SPTBN2: variants seen among roughly 807,000 people sequenced by gnomAD.
The protein encoded by SPTBN2 is spectrin beta chain, non-erythrocytic 2.
In SPTBN2, 107 loss-of-function variants were observed where a neutral mutation model predicts 284.2. That is an observed-to-expected ratio of 0.38 (90% CI 0.32 to 0.44). SPTBN2 has a LOEUF of 0.44. Ranked by LOEUF, SPTBN2 falls within the 20% of genes least tolerant of loss-of-function variation. The probability of loss-of-function intolerance (pLI) is 1.00; values close to 1 mark genes in which losing one functional copy is unlikely to be tolerated. For missense variants in SPTBN2, 2,569 were observed against 3,287.1 expected, an observed-to-expected ratio of 0.78 and a Z score of 5.34; for synonymous variants, 1,289 against 1,354.8, an observed-to-expected ratio of 0.95 and a Z score of 1.07.
chr11:66,699,719 A>C, intron 17 of SPTBN2, 111 bp from the exon 18 acceptor site: 3 of 1,098,314 alleles, frequency 2.7e-6, no homozygotes, highest in Non-Finnish European at 4.1e-6. Context: ...GCAGACAGGG[A>C]GGGTAGCCCA....
chr11:66,733,125 T>G (rs1372763627), upstream of SPTBN2, among the ~76,000 whole-genome samples: 1 of 152,112 alleles, frequency 6.6e-6, no homozygotes, highest in Non-Finnish European at 1.5e-5. Flanking sequence ...ATGTCATTAT[T>G]TAAAGAATTT....
upstream of SPTBN2, among the ~76,000 whole-genome samples, chr11:66,733,984 CAAAAAA>C (rs60666832): frequency 1.3e-5 from 1 of 75,764 alleles, no homozygotes; most frequent in Non-Finnish European, 2.7e-5. Flanking sequence ...GACTCCGTCT[CAAAAAA>C]AAAAAAAAAA....
Position 66,714,310 on chromosome 11 carries a change from C to T in SPTBN2, c.575+6G>A. On this transcript the variant is annotated splice_donor_region_variant and intron_variant, in intron 6 of 37. Transcript: ENST00000533211. ...CTCCAGTGCCACACGCCCAGGGTGT[C>T]CTCACCCTGCAGTCTTCATCTGGCA... 6.2e-7 allele frequency: 1 copy of T among 1,612,708 alleles called. No individual in the cohort carries two copies. Among genetic ancestry groups the T allele is most frequent in the Non-Finnish European group, 8.5e-7 (1 of 1,178,872 alleles).
At chr11:66,728,451 G>A (rs1181113172) in intron 1 of SPTBN2, 1 of 150,280 alleles carries the variant, frequency 6.7e-6, no homozygotes, top group Non-Finnish European at 1.5e-5. Flanking sequence ...CGGGAGGCCC[G>A]GGACCATCTG....
chr11:66,692,418 C>T, intron 26 of SPTBN2, 118 bp downstream of exon 26: 2 of 1,232,918 alleles, frequency 1.6e-6, no homozygotes, highest in Non-Finnish European at 2.3e-6. Flanking sequence ...AGTGCCTGCT[C>T]AGCCTGGTCT....
At position 66,705,852 on chromosome 11, in the gene SPTBN2, T is replaced by C. The variant is rs369363527; in HGVS notation, c.1654-15A>G. On this transcript the variant is annotated splice_polypyrimidine_tract_variant and intron_variant, in intron 13 of 37. Transcript: ENST00000533211. ...TGCAGCCGGCCCTGCCAGGCACACA[T>C]GAAGTGCACATGCCCGCCTGAGCAC... 3 of 1,611,734 alleles carry C rather than the reference T, an allele frequency of 1.9e-6. No individual in the cohort carries two copies. The highest frequency in any genetic ancestry group is 2.2e-5 in the East Asian group (1 of 44,848).
chr11:66,716,827 G>A (rs1942173012), intron 3 of SPTBN2, among the ~76,000 whole-genome samples: 2 of 152,318 alleles, frequency 1.3e-5, no homozygotes, highest in South Asian at 4.1e-4. Context: ...CCGGTGGGAG[G>A]TATGGCTGTT....
chr11:66,709,120 C>G, intron 10 of SPTBN2, 101 bp from the exon 11 acceptor site: 1 of 965,618 alleles, frequency 1.0e-6, no homozygotes, highest in Non-Finnish European at 1.7e-6. Flanking sequence ...TTTCTTCTTA[C>G]AAAAGCAATA....
Position 66,700,439 on chromosome 11 carries a change from T to C in SPTBN2, c.3573+87A>G. 6.3e-7 allele frequency: 1 copy of C among 1,579,106 alleles called. No individual in the cohort carries two copies. Among genetic ancestry groups the C allele is most frequent in the Non-Finnish European group, 8.6e-7 (1 of 1,164,860 alleles). ...TGCGCTGCCCCATTTTGCTAGCATG[T>C]CCTTCCTGCCCATCCTGCTCCTTCA... On this transcript the variant is annotated intron_variant, in intron 17 of 37. Transcript: ENST00000533211. The surrounding 1 kb of genome is among the most constrained non-coding windows in gnomAD (Gnocchi z 6.6).
At chr11:66,744,507 G>A (rs948341273) in intron 1 of SPTBN2, 6 of 186,750 alleles carry the variant, frequency 3.2e-5, no homozygotes, top group Admixed American at 1.2e-4. Context: ...TTTGAGAGGA[G>A]GGAGGAGTCG....
chr11:66,694,151 C>G lies in SPTBN2; in HGVS notation c.4491G>C (p.Val1497=). ...SREQHQFHRD[V]EDEILWVTER... ...CCCAGTGACTCACAATCTCATCTTC[C>G]ACATCGCGGTGGAACTGGTGCTGCT... The change falls in exon 22 of 38, where the codon GTG becomes GTC. Residue 1497 remains valine (V), a synonymous_variant. Transcript: ENST00000533211. The G allele has an allele frequency of 6.2e-7, 1 of 1,607,598 alleles. No individual in the cohort carries two copies. Among genetic ancestry groups the G allele is most frequent in the Non-Finnish European group, 8.5e-7 (1 of 1,180,006 alleles).
At chr11:66,742,751 A>G (rs1942904063) in intron 1 of SPTBN2, among the ~76,000 whole-genome samples, 1 of 152,096 alleles carries the variant, frequency 6.6e-6, no homozygotes, top group African/African-American at 2.4e-5. Flanking sequence ...CTGGGACTAC[A>G]GGCACATGCC....
Position 66,694,209 on chromosome 11 carries a change from C to G in SPTBN2, c.4433G>C (p.Arg1478Pro). ...EKFRALCQPM[R>P]ERCRRLQASR... ...AGCCTGCAGGCGCCGGCAGCGTTCC[C>G]GCATGGGCTGGCACAAGGCCCTGAA... is the stretch of plus-strand genomic sequence containing the variant. The change falls in exon 22 of 38, where the codon CGG (arginine) becomes CCG (proline). Residue 1478 changes from arginine (R) to proline (P), a missense_variant. By Grantham distance (103) the Arg-to-Pro change is moderately radical. This residue lies in a region of SPTBN2 where 1,130 missense variants were observed against 1,317.3 expected (regional missense o/e 0.86). Coordinates refer to ENST00000533211, the MANE Select transcript of SPTBN2 (RefSeq NM_006946.4). The G allele has an allele frequency of 6.2e-7, 1 of 1,613,846 alleles. No individual in the cohort carries two copies. The highest frequency in any genetic ancestry group is 8.5e-7 in the Non-Finnish European group (1 of 1,180,040).
At chr11:66,732,540 C>T (rs1214113619), upstream of SPTBN2, among the ~76,000 whole-genome samples, 4 of 150,708 alleles carry the variant, frequency 2.7e-5, no homozygotes, top group Admixed American at 6.6e-5. Flanking sequence ...ATCCCAGCTA[C>T]TCGGGAGGCT....
rs1434704342 is a variant in SPTBN2, at chr11:66,700,658, C to G, written c.3441G>C (p.Leu1147=). 6.2e-7 allele frequency: 1 copy of G among 1,607,522 alleles called. No individual in the cohort carries two copies. Among genetic ancestry groups the G allele is most frequent in the African/African-American group, 1.3e-5 (1 of 74,940 alleles). The change falls in exon 17 of 38, where the codon CTG becomes CTC. Residue 1147 remains leucine, a synonymous_variant. Coordinates refer to ENST00000533211, the MANE Select transcript of SPTBN2 (RefSeq NM_006946.4). The surrounding 1 kb of genome is among the most constrained non-coding windows in gnomAD (Gnocchi z 6.6). ...CCTCCCAGCCAGTTCCCAGGGCCTC[C>G]AGTCGCTGTCGTAGGAAGAGGCACT... ...DPQCLFLRQR[L]EALGTGWEEL...
chr11:66,699,455 T>C lies in SPTBN2; in HGVS notation c.3727A>G (p.Asn1243Asp). 6.2e-7 allele frequency: 1 copy of C among 1,614,160 alleles called. No individual in the cohort carries two copies. Among genetic ancestry groups the C allele is most frequent in the South Asian group, 1.1e-5 (1 of 91,084 alleles). Residue 1243 changes from asparagine (N) to aspartate (D), a missense_variant, in exon 18 of 38, where the codon AAC (asparagine) becomes GAC (aspartate). Asn to Asp is a conservative substitution (Grantham distance 23). Transcript: ENST00000533211. ...TCCCGAATCTTGTCGGCGTGGATGT[T>C]GCCTTCAGATACCAGCTGGCGGCCA... is the stretch of plus-strand genomic sequence containing the variant. Reference protein sequence around the residue: ...EAGRQLVSEGNIHADKIREKA... With the variant: ...EAGRQLVSEGDIHADKIREKA...
At chr11:66,686,853 T>TACACTATCC (rs1940149019) in intron 36 of SPTBN2, 141 bp downstream of exon 36, 10 of 1,145,008 alleles carry the variant, frequency 8.7e-6, no homozygotes, top group African/African-American at 4.5e-5. Context: ...CTCCCTCATC[T>TACACTATCC]ACACTATCCC....
In SPTBN2 at chr11:66,705,476, A is replaced by G. The variant is rs1312731263; in HGVS notation, c.1808-8T>C. 1.9e-6 allele frequency: 3 copies of G among 1,612,882 alleles called. No homozygotes were observed. In the African/African-American group the frequency reaches 4.0e-5, roughly 22 times the overall value. Reference sequence around the variant, plus strand: ...GGTCGCAAGGTCTATACTCTGAGAAAGTCACAGGAGAGGGTCAGAGCCTTA... The same window carrying G: ...GGTCGCAAGGTCTATACTCTGAGAAGGTCACAGGAGAGGGTCAGAGCCTTA... On this transcript the variant is annotated splice_region_variant and splice_polypyrimidine_tract_variant and intron_variant, in intron 14 of 37. Transcript: ENST00000533211.
Position 66,699,446 on chromosome 11 carries a change from C to G in SPTBN2, c.3736G>C (p.Ala1246Pro), listed in dbSNP as rs138526888. The change falls in exon 18 of 38, where the codon GCC (alanine) becomes CCC (proline). Residue 1246 changes from alanine (A) to proline (P), a missense_variant. Physicochemically the swap from Ala to Pro is conservative, Grantham distance 27. Around this residue, in one of 6 missense-constraint regions of SPTBN2, gnomAD observed 1,012 missense variants for 1,248.9 expected, o/e 0.81. Coordinates refer to ENST00000533211, the MANE Select transcript of SPTBN2 (RefSeq NM_006946.4). ...RQLVSEGNIH[A>P]DKIREKADSI... ...TCTGCCTTTTCCCGAATCTTGTCGG[C>G]GTGGATGTTGCCTTCAGATACCAGC... The G allele has an allele frequency of 1.2e-6, 2 of 1,614,128 alleles. No homozygotes were observed. Among genetic ancestry groups the G allele is most frequent in the Non-Finnish European group, 1.7e-6 (2 of 1,180,022 alleles).
Sources: gnomAD v4.1 joint callset for allele counts (sites outside exome capture counted in the v4.1 genomes callset) on GRCh38, gnomAD v4.1.1 for gene constraint, gnomAD v4.1.1 regional missense constraint, Gnocchi (gnomAD v3.1) non-coding constraint, MANE v1.5 for transcripts, NCBI Gene and HGNC (gene_info 2026-07-23, HGNC 2026-07-21) for gene names.